Variants in MRPS35 observed in about 807,000 individuals in gnomAD.
MRPS35 encodes the protein small ribosomal subunit protein mS35.
Under a neutral mutation model 32.7 loss-of-function variants are expected in MRPS35, and 29 were observed. The ratio of observed to expected loss-of-function variants is 0.89; its 90% CI spans 0.66 to 1.21. MRPS35 has a LOEUF of 1.21. Among genes scored for constraint, MRPS35 ranks in the 50% most tolerant of loss-of-function variants. The probability of loss-of-function intolerance (pLI) is 0.00; values close to 1 mark genes in which losing one functional copy is unlikely to be tolerated. For missense variants in MRPS35, 373 were observed against 383.8 expected (o/e 0.97, Z 0.23); for synonymous variants, 148 against 139.3 (o/e 1.06, Z -0.44).
chr12:27,729,406 C>G lies in MRPS35; in HGVS notation c.522+5220C>G, dbSNP rs370598394. Among the ~76,000 whole-genome samples the G allele has an allele frequency of 7.9e-5, 12 of 152,180 alleles. No individual in the cohort carries two copies. The South Asian group carries it at 2.3e-3, about 29-fold the overall frequency. ...ATAAATAATGGTAGTTTTAATTCCC[C>G]TTTTCAAGTAACCATAGCTTGTTTT... On this transcript the variant is annotated intron_variant, in intron 5 of 7. Transcript: ENST00000081029.
chr12:27,742,422 G>A (rs945471237), intron 7 of MRPS35, among the ~76,000 whole-genome samples: 1 of 152,202 alleles, frequency 6.6e-6, no homozygotes, highest in African/African-American at 2.4e-5. Context: ...GAGGGAAACC[G>A]TTGGTTATAA....
chr12:27,716,422 GC>G lies in MRPS35; in HGVS notation c.288del (p.Met97TrpfsTer7), dbSNP rs1464217090. 6.2e-7 allele frequency: 1 copy of G among 1,614,102 alleles called. No homozygotes were observed. Among genetic ancestry groups the G allele is most frequent in the East Asian group, 2.2e-5 (1 of 44,880 alleles). The stretch of plus-strand genomic sequence containing the variant: ...TGGGTTATCCAGTAAAAAAGGGCGT[GC>G]CCATGGCAAAGGAGGGAAATCTAGA... ...RMGYPVKKGV[P>X]MAKEGNLELL... is the part of the protein sequence containing the mutation. On this transcript the variant is annotated frameshift_variant, in exon 3 of 8. Coordinates refer to ENST00000081029, the MANE Select transcript of MRPS35 (RefSeq NM_021821.4). LOFTEE classifies it high-confidence loss of function.
chr12:27,741,108 C>T (rs890733368), intron 7 of MRPS35, among the ~76,000 whole-genome samples: 2 of 151,784 alleles, frequency 1.3e-5, no homozygotes, highest in Non-Finnish European at 2.9e-5. Flanking sequence ...TCGGAGGTTG[C>T]AGTGAGCCAA....
chr12:27,717,790 A>C (rs149071286), intron 3 of MRPS35, among the ~76,000 whole-genome samples: 1,531 of 152,356 alleles, frequency 0.01, 11 homozygotes, highest in Non-Finnish European at 0.016. Flanking sequence ...TGACATTTTA[A>C]TAAACATAAA....
At chr12:27,718,388 C>T (rs1238996267) in intron 3 of MRPS35, among the ~76,000 whole-genome samples, 1 of 152,176 alleles carries the variant, frequency 6.6e-6, no homozygotes, top group African/African-American at 2.4e-5. Flanking sequence ...GGTCGTGCCA[C>T]TGCGACAGAG....
At chr12:27,731,344 C>A (rs1232364301) in intron 5 of MRPS35, among the ~76,000 whole-genome samples, 1 of 152,140 alleles carries the variant, frequency 6.6e-6, no homozygotes, top group Non-Finnish European at 1.5e-5. Context: ...AAAATATTAA[C>A]TTTTATACTC....
chr12:27,738,314 T>C (rs777612011), intron 7 of MRPS35, among the ~76,000 whole-genome samples: 2 of 152,224 alleles, frequency 1.3e-5, no homozygotes, highest in Non-Finnish European at 2.9e-5. Flanking sequence ...ATTTTGACCG[T>C]GCTCCATCAC....
In MRPS35 at chr12:27,714,839, C is replaced by A; in HGVS notation, c.153+19C>A. On this transcript the variant is annotated intron_variant, in intron 2 of 7. Transcript: ENST00000081029. ...AAGAAAGGTAAAAAGTTCGTATACT[C>A]TACTATCTTAATGGTTTCTGGAGTT... 6.2e-7 allele frequency: 1 copy of A among 1,603,272 alleles called. No individual in the cohort carries two copies. The highest frequency in any genetic ancestry group is 1.1e-5 in the South Asian group (1 of 90,688).
At chr12:27,714,853 G>A in intron 2 of MRPS35, 33 bp downstream of exon 2, 1 of 1,573,942 alleles carries the variant, frequency 6.4e-7, no homozygotes, top group Non-Finnish European at 8.7e-7. Context: ...TATCTTAATG[G>A]TTTCTGGAGT....
At chr12:27,731,225 C>T (rs551260158) in intron 5 of MRPS35, among the ~76,000 whole-genome samples, 13 of 152,302 alleles carry the variant, frequency 8.5e-5, no homozygotes, top group African/African-American at 2.9e-4. Context: ...TGGGCTCTTT[C>T]CCTGTCCCAT....
At chr12:27,728,330 A>G (rs1052852677) in intron 5 of MRPS35, among the ~76,000 whole-genome samples, 2 of 152,110 alleles carry the variant, frequency 1.3e-5, no homozygotes, top group East Asian at 3.8e-4. Flanking sequence ...GAAAGAGGCT[A>G]ATATAATAAA....
At chr12:27,720,255 A>G (rs2061867946) in intron 4 of MRPS35, among the ~76,000 whole-genome samples, 1 of 152,020 alleles carries the variant, frequency 6.6e-6, no homozygotes, top group Non-Finnish European at 1.5e-5. Context: ...TTAGTCCTGC[A>G]TGGTGGCAGG....
chr12:27,735,689 TCTAA>T (rs2061940901), intron 6 of MRPS35, 133 bp downstream of exon 6: 4 of 659,118 alleles, frequency 6.1e-6, no homozygotes, highest in Non-Finnish European at 1.1e-5. Context: ...AGCAGAGTTC[TCTAA>T]TTCATATTTT....
intron 7 of MRPS35, among the ~76,000 whole-genome samples, chr12:27,751,976 C>T (rs2062006183): frequency 6.6e-6 from 1 of 152,068 alleles, no homozygotes; most frequent in African/African-American, 2.4e-5. Flanking sequence ...CGGTGGCTTA[C>T]ACCCTGTAAT....
intron 2 of MRPS35, among the ~76,000 whole-genome samples, chr12:27,715,494 C>A (rs1001826824): frequency 1.2e-4 from 18 of 152,166 alleles, no homozygotes; most frequent in African/African-American, 4.3e-4. Flanking sequence ...TTGAGTCTCA[C>A]CCTGTGGACA....
rs192613960 is a variant in MRPS35, at chr12:27,735,410, G to T, written c.523-37G>T. 644 of 1,446,806 alleles carry T rather than the reference G, an allele frequency of 4.5e-4. 6 individuals carry two copies. The Admixed American group carries it at 0.012, about 27-fold the overall frequency. 89.6% of individuals were successfully genotyped at this position (1,446,806 alleles called of 1,614,324 possible). ...CCTTTTTTTCACTAAACAATTATAT[G>T]AAATTATTTTTTCAAATAACTTTTC... is the stretch of plus-strand genomic sequence containing the variant. On this transcript the variant is annotated intron_variant, in intron 5 of 7. Transcript: ENST00000081029.
chr12:27,714,185 C>G (rs757941072), intron 1 of MRPS35, among the ~76,000 whole-genome samples: 12 of 151,784 alleles, frequency 7.9e-5, no homozygotes, highest in Non-Finnish European at 1.6e-4. Context: ...ATATTTATCA[C>G]TGTTTATTGA....
At chr12:27,724,637 G>A (rs138896749) in intron 5 of MRPS35, among the ~76,000 whole-genome samples, 1,967 of 152,098 alleles carry the variant, frequency 0.013, 35 homozygotes, top group African/African-American at 0.043. Flanking sequence ...CATCTACTCC[G>A]GAGGCTGAGG....
At chr12:27,755,086 GAAA>G in intron 7 of MRPS35, 92 bp from the exon 8 acceptor site, 9 of 1,131,714 alleles carry the variant, frequency 8.0e-6, no homozygotes, top group Admixed American at 6.1e-5. Context: ...AAAAAGGAAG[GAAA>G]AAAAAAAAGA....
Sources: allele counts gnomAD v4.1 joint callset (sites outside exome capture counted in the v4.1 genomes callset), GRCh38; gene constraint gnomAD v4.1.1; transcripts MANE v1.5; gene names NCBI Gene and HGNC (gene_info 2026-07-23, HGNC 2026-07-21).